The following GUCY2F variants were observed in gnomAD, a reference collection of about 807,000 sequenced individuals.
The protein encoded by GUCY2F is guanylate cyclase 2F, retinal, also known as retinal guanylyl cyclase 2.
GUCY2F carries 61 observed loss-of-function variants against 73.1 expected under a neutral mutation model. That is an observed-to-expected ratio of 0.83 (90% CI 0.68 to 1.03). The LOEUF is 1.03. Among genes scored for constraint, GUCY2F ranks in the 50% least tolerant of loss-of-function variants. The probability of loss-of-function intolerance (pLI) is 0.00; values close to 1 mark genes in which losing one functional copy is unlikely to be tolerated. For missense variants in GUCY2F, 912 were observed against 854.3 expected (o/e 1.07, Z -0.84); for synonymous variants, 331 against 307.8 (o/e 1.08, Z -0.79).
In GUCY2F at chrX:109,375,929, T is replaced by C. The variant is rs749120231; in HGVS notation, c.3297A>G (p.Ala1099=). ...GCTTGTTTCTCACCAACTGCCTTTC[T>C]GCTTTTCTTCTTTGGAAGGCTGCAA... ...VEIAAFQRRK[A]ERQLVRNKP Residue 1099 remains alanine, a synonymous_variant, in exon 19 of 20, where the codon GCA becomes GCG. Coordinates refer to ENST00000218006, the MANE Select transcript of GUCY2F (RefSeq NM_001522.3). 6 of 1,209,213 alleles carry C rather than the reference T, an allele frequency of 5.0e-6. No individual in the cohort carries two copies. The highest frequency in any genetic ancestry group is 6.7e-6 in the Non-Finnish European group (6 of 893,804).
rs768790782 is a variant in GUCY2F, at chrX:109,398,570, T to C, written c.2254A>G (p.Met752Val). ...EVMVRGTPFC[M>V]MDLPAQEIIN... is the part of the protein sequence containing the mutation. Reference sequence around the variant, plus strand: ...TTACCTTGAGCTGGCAGATCCATCATGCAGAATGGGGTACCCCGGACCATC... The same window carrying C: ...TTACCTTGAGCTGGCAGATCCATCACGCAGAATGGGGTACCCCGGACCATC... The change falls in exon 11 of 20, where the codon ATG becomes GTG. Residue 752 changes from methionine (M) to valine (V), a missense_variant. Physicochemically the swap from Met to Val is conservative, Grantham distance 21 (BLOSUM62 1). Transcript: ENST00000218006. 3.1e-5 allele frequency: 38 copies of C among 1,208,102 alleles called. No homozygotes were observed. Among genetic ancestry groups the C allele is most frequent in the Non-Finnish European group, 4.3e-5 (38 of 894,026 alleles).
intron 10 of GUCY2F, among the ~76,000 whole-genome samples, chrX:109,400,208 G>A (rs934219804): frequency 2.4e-4 from 26 of 107,709 alleles, no homozygotes; most frequent in Non-Finnish European, 5.0e-4. Flanking sequence ...AGGTGAGAGG[G>A]GCCTAAATGG....
chrX:109,434,611 G>C (rs1327547276), intron 7 of GUCY2F, among the ~76,000 whole-genome samples: 1 of 109,942 alleles, frequency 9.1e-6, no homozygotes, highest in Non-Finnish European at 1.9e-5. Flanking sequence ...CTTTTGCTGT[G>C]CAGAAGCTCT....
intron 8 of GUCY2F, among the ~76,000 whole-genome samples, chrX:109,411,025 A>ATTT (rs1280245626): frequency 9.0e-6 from 1 of 110,719 alleles, no homozygotes; most frequent in Non-Finnish European, 1.9e-5. Context: ...AATAATTATC[A>ATTT]TTTATTATTA....
At chrX:109,469,903 G>A (rs1243740719) in intron 2 of GUCY2F, among the ~76,000 whole-genome samples, 2 of 111,526 alleles carry the variant, frequency 1.8e-5, no homozygotes, top group East Asian at 5.6e-4. Context: ...ACTATACTAG[G>A]TGATGTGTGG....
chrX:109,476,944 G>A (rs1014349508), intron 1 of GUCY2F, among the ~76,000 whole-genome samples: 4 of 110,528 alleles, frequency 3.6e-5, no homozygotes, highest in African/African-American at 1.3e-4. Context: ...CAAGGCAAGG[G>A]CCAGATCACC....
chrX:109,417,778 A>G (rs1439562956), intron 8 of GUCY2F, among the ~76,000 whole-genome samples: 2 of 111,529 alleles, frequency 1.8e-5, no homozygotes, highest in South Asian at 7.4e-4. Context: ...ACACAAATGC[A>G]TGGAAAGAAA....
chrX:109,471,109 C>T (rs1389988394), intron 2 of GUCY2F, among the ~76,000 whole-genome samples: 1 of 111,756 alleles, frequency 8.9e-6, no homozygotes, highest in Non-Finnish European at 1.9e-5. Flanking sequence ...CTGTCCCAGG[C>T]AATAAGATAG....
chrX:109,393,830 T>C (rs1603379608), intron 12 of GUCY2F, among the ~76,000 whole-genome samples: 1 of 112,352 alleles, frequency 8.9e-6, no homozygotes, highest in African/African-American at 3.2e-5. Flanking sequence ...AACATGCACA[T>C]GACTGTGTTC....
intron 11 of GUCY2F, among the ~76,000 whole-genome samples, chrX:109,397,283 G>A (rs967626647): frequency 1.8e-5 from 2 of 111,081 alleles, no homozygotes; most frequent in South Asian, 7.7e-4. Context: ...GGTAGCTAGG[G>A]GCCAGATTGT....
intron 15 of GUCY2F, among the ~76,000 whole-genome samples, chrX:109,387,130 C>T (rs746599930): frequency 1.1e-3 from 127 of 111,978 alleles, no homozygotes; most frequent in Non-Finnish European, 2.0e-3. Flanking sequence ...CAAGAAGATG[C>T]TATTGCAGTG....
At chrX:109,433,387 C>T (rs1184900012) in intron 7 of GUCY2F, among the ~76,000 whole-genome samples, 1 of 112,179 alleles carries the variant, frequency 8.9e-6, no homozygotes, top group East Asian at 2.8e-4. Flanking sequence ...AAGTGACTGT[C>T]CCAAGGTCAG....
Position 109,475,778 on chromosome X carries a change from G to T in GUCY2F, c.159C>A (p.Tyr53Ter), listed in dbSNP as rs748885262. The change falls in exon 2 of 20, where the codon TAC becomes TAA. Residue 53 changes from tyrosine to a stop codon, truncating the protein, a stop_gained. Transcript: ENST00000218006. LOFTEE classifies it high-confidence loss of function. ...CCCAAGGGCCCACCACCCCTATCTT[G>T]TAGGGGAGTGTCCACACCTGCTGCG... The part of the protein sequence containing the change: ...SLPQQVWTLP[Y>*]KIGVVGPWAC... The T allele has an allele frequency of 4.1e-5, 50 of 1,207,367 alleles. No individual in the cohort carries two copies. The highest frequency in any genetic ancestry group is 5.3e-5 in the Non-Finnish European group (47 of 893,028).
chrX:109,409,122 A>T lies in GUCY2F; in HGVS notation c.1838T>A (p.Phe613Tyr), dbSNP rs376548054. ...HENINPLLGF[F>Y]YDSGMFAIVT... ...AATGGCAAACATCCCCGAATCATAG[A>T]AGAAACCCAATAAAGGGTTAATATT... is the stretch of plus-strand genomic sequence containing the variant. The change falls in exon 9 of 20, where the codon TTC becomes TAC. Residue 613 changes from phenylalanine (F) to tyrosine (Y), a missense_variant. By Grantham distance (22) the Phe-to-Tyr change is conservative. Transcript: ENST00000218006. 8.9e-6 allele frequency: 10 copies of T among 1,124,509 alleles called. No homozygotes were observed. The African/African-American group carries it at 1.6e-4, about 18-fold the overall frequency. The allele number at this position is 1,124,509 out of a possible 1,213,427, so 92.7% of individuals were successfully genotyped here. A position where few individuals can be genotyped will look rare whatever the true frequency, so the allele number is the denominator to read the frequency against.
At chrX:109,480,923 A>T (rs73530276) in intron 1 of GUCY2F, among the ~76,000 whole-genome samples, 2,678 of 107,862 alleles carry the variant, frequency 0.025, 93 homozygotes, top group African/African-American at 0.084. Context: ...GAAGGGAAGG[A>T]AGGAAGGAAG....
intron 6 of GUCY2F, among the ~76,000 whole-genome samples, chrX:109,442,865 C>T (rs781229739): frequency 9.0e-6 from 1 of 111,680 alleles, no homozygotes; most frequent in African/African-American, 3.2e-5. Flanking sequence ...GCAGGAGTAC[C>T]TAGATCTGTA....
chrX:109,412,452 C>T (rs187476483), intron 8 of GUCY2F, among the ~76,000 whole-genome samples: 1 of 111,660 alleles, frequency 9.0e-6, no homozygotes, highest in Admixed American at 9.5e-5. Context: ...AAGGGCCTGG[C>T]ACCCATGACA....
Position 109,404,353 on chromosome X carries a change from G to A in GUCY2F, c.2100C>T (p.Leu700=), listed in dbSNP as rs1930922782. 1 of 1,198,223 alleles carries A rather than the reference G, an allele frequency of 8.3e-7. No homozygotes were observed. The change falls in exon 10 of 20, where the codon CTC becomes CTT. Residue 700 remains leucine, a synonymous_variant. Coordinates refer to ENST00000218006, the MANE Select transcript of GUCY2F (RefSeq NM_001522.3). ...CTTCCATAGAAGATTCCTCTTCAGA[G>A]AGTCTCAGCATTTCTAAGATGTCGT... The part of the protein sequence containing the change: ...GFNDILEMLR[L]SEEESSMEEL...
chrX:109,384,933 G>A (rs983339236), intron 16 of GUCY2F, among the ~76,000 whole-genome samples: 1 of 111,319 alleles, frequency 9.0e-6, no homozygotes, highest in Admixed American at 9.5e-5. Context: ...TGGCTGTTTT[G>A]GTGTCACTTA....
Sources: allele counts gnomAD v4.1 joint callset (sites outside exome capture counted in the v4.1 genomes callset), GRCh38; gene constraint gnomAD v4.1.1; transcripts MANE v1.5; gene names NCBI Gene and HGNC (gene_info 2026-07-23, HGNC 2026-07-21).